Variants in CPNE8 observed in about 807,000 individuals in gnomAD.
CPNE8 encodes the protein copine-8.
Under a neutral mutation model 81.5 loss-of-function variants are expected in CPNE8, and 45 were observed. The observed-to-expected ratio is 0.55, with a 90% CI of 0.44 to 0.71. The LOEUF (loss-of-function observed/expected upper bound fraction) is 0.71, where lower values mean the gene tolerates loss of function less well. Among genes scored for constraint, CPNE8 ranks in the 30% least tolerant of loss-of-function variants. CPNE8 has a pLI of 0.00. For synonymous variants in CPNE8, 252 were observed against 226.3 expected (o/e 1.11, Z -1.02); for missense variants, 594 against 672.1 (o/e 0.88, Z 1.28).
At chr12:38,874,976 T>C (rs1944046804) in intron 1 of CPNE8, among the ~76,000 whole-genome samples, 1 of 152,192 alleles carries the variant, frequency 6.6e-6, no homozygotes, top group African/African-American at 2.4e-5. Flanking sequence ...CAGCATCTAC[T>C]GACATTTGTG....
chr12:38,725,014 AT>A, intron 11 of CPNE8, 115 bp from the exon 12 acceptor site: 1 of 914,422 alleles, frequency 1.1e-6, no homozygotes. Flanking sequence ...GCATGTATTC[AT>A]TTACAAATGC....
At chr12:38,746,520 G>A (rs753111562) in intron 10 of CPNE8, among the ~76,000 whole-genome samples, 1 of 152,128 alleles carries the variant, frequency 6.6e-6, no homozygotes, top group Non-Finnish European at 1.5e-5. Flanking sequence ...AGAGTTGAAC[G>A]ACTAAATATC....
chr12:38,657,068 C>T (rs1232367750), intron 19 of CPNE8, among the ~76,000 whole-genome samples: 7 of 152,136 alleles, frequency 4.6e-5, no homozygotes, highest in Non-Finnish European at 5.9e-5. Flanking sequence ...TGAAGCAGTG[C>T]GGGGTGTCAC....
rs137923390 is a variant in CPNE8 at position 38,655,190 on chromosome 12, C to A, written c.1507-1120G>T. On this transcript the variant is annotated intron_variant, in intron 19 of 19. Coordinates refer to ENST00000331366, the MANE Select transcript of CPNE8 (RefSeq NM_153634.3). ...AAAAACCGCAATTACTTTTGCACCA[C>A]CCTTAATAAAAATGATTACTATATC... 4.7e-3 allele frequency among the ~76,000 whole-genome samples: 718 copies of A among 152,194 alleles called. 5 individuals are homozygous for A. Among genetic ancestry groups the A allele is most frequent in the African/African-American group, 0.016 (667 of 41,516 alleles).
chr12:38,667,866 C>T (rs1042994492), intron 19 of CPNE8, among the ~76,000 whole-genome samples: 2 of 151,572 alleles, frequency 1.3e-5, no homozygotes, highest in East Asian at 2.0e-4. Context: ...GGTATGATCT[C>T]GGCTCACCGC....
intron 19 of CPNE8, among the ~76,000 whole-genome samples, chr12:38,668,854 T>C (rs1939113113): frequency 1.3e-5 from 2 of 151,890 alleles, no homozygotes; most frequent in East Asian, 3.9e-4. Flanking sequence ...TCGAGACCAT[T>C]CTGGCTAACA....
chr12:38,709,832 C>T (rs1255695658), intron 13 of CPNE8, among the ~76,000 whole-genome samples: 1 of 152,122 alleles, frequency 6.6e-6, no homozygotes, highest in East Asian at 1.9e-4. Context: ...ATAATCTAAC[C>T]TTGTTAGGTG....
intron 11 of CPNE8, among the ~76,000 whole-genome samples, chr12:38,725,229 T>C (rs1940666356): frequency 6.6e-6 from 1 of 152,286 alleles, no homozygotes; most frequent in Non-Finnish European, 1.5e-5. Flanking sequence ...AAATGATGGG[T>C]TGTTAAAGAA....
At chr12:38,725,991 G>T (rs181118674) in intron 11 of CPNE8, among the ~76,000 whole-genome samples, 1 of 152,236 alleles carries the variant, frequency 6.6e-6, no homozygotes, top group East Asian at 1.9e-4. Flanking sequence ...TTCTACCTCA[G>T]ATCATTAGGC....
At chr12:38,902,391 A>AAAG (rs1944498881) in intron 1 of CPNE8, among the ~76,000 whole-genome samples, 1 of 61,638 alleles carries the variant, frequency 1.6e-5, no homozygotes. Flanking sequence ...AAAAGAAAGA[A>AAAG]AGAGAAAGAA....
At chr12:38,794,819 C>T (rs898363492) in intron 6 of CPNE8, among the ~76,000 whole-genome samples, 1 of 152,012 alleles carries the variant, frequency 6.6e-6, no homozygotes, top group African/African-American at 2.4e-5. Context: ...AGTATTGTTG[C>T]TGGGAGTGTC....
At chr12:38,792,220 G>A (rs1942342475) in intron 6 of CPNE8, among the ~76,000 whole-genome samples, 1 of 149,690 alleles carries the variant, frequency 6.7e-6, no homozygotes, top group Admixed American at 6.6e-5. Flanking sequence ...GGAAAAGGTA[G>A]GAGTAATAAA....
intron 7 of CPNE8, among the ~76,000 whole-genome samples, chr12:38,769,625 T>G (rs1258356124): frequency 6.6e-6 from 1 of 152,316 alleles, no homozygotes; most frequent in East Asian, 1.9e-4. Flanking sequence ...ACATTACACT[T>G]TAACACATTT....
At position 38,708,539 on chromosome 12, in the gene CPNE8, A is replaced by G. The variant is rs1486537652; in HGVS notation, c.915-5618T>C. On this transcript the variant is annotated intron_variant, in intron 13 of 19. Transcript: ENST00000331366. ...AAGGATTTCATAAAATCCAGTTAGC[A>G]GCATTATATTTTAGAATATAAAAAG... Among the ~76,000 whole-genome samples the G allele has an allele frequency of 2.0e-5, 3 of 152,246 alleles. No individual in the cohort carries two copies. In the East Asian group the frequency reaches 5.8e-4, roughly 29 times the overall value.
At chr12:38,768,642 C>G (rs1448489877) in intron 7 of CPNE8, among the ~76,000 whole-genome samples, 1 of 152,052 alleles carries the variant, frequency 6.6e-6, no homozygotes, top group East Asian at 1.9e-4. Flanking sequence ...GCCTCAGCAT[C>G]CTGAGTAGCT....
rs773870820 is a variant in CPNE8 at position 38,776,304 on chromosome 12, A to G, written c.408-3T>C. 15 of 1,397,384 alleles carry G rather than the reference A, an allele frequency of 1.1e-5. No homozygotes were observed. In the East Asian group the frequency reaches 1.6e-4, roughly 15 times the overall value. 86.6% of individuals were successfully genotyped at this position (1,397,384 alleles called of 1,614,324 possible). ...CACATTTCTTCCCTGGAATTCCTCTAAAACAACAAAAATATATTTATATAC... is the reference window on the plus strand; with the variant it reads ...CACATTTCTTCCCTGGAATTCCTCTGAAACAACAAAAATATATTTATATAC... On this transcript the variant is annotated splice_polypyrimidine_tract_variant and splice_region_variant and intron_variant, in intron 6 of 19. Coordinates refer to ENST00000331366, the MANE Select transcript of CPNE8 (RefSeq NM_153634.3).
chr12:38,707,690 T>A (rs1459310339), intron 13 of CPNE8, among the ~76,000 whole-genome samples: 1 of 152,210 alleles, frequency 6.6e-6, no homozygotes, highest in Non-Finnish European at 1.5e-5. Context: ...ATTTGATTAA[T>A]TCTTTGTCTC....
chr12:38,736,202 C>A (rs1037037011), intron 10 of CPNE8, among the ~76,000 whole-genome samples: 2 of 121,798 alleles, frequency 1.6e-5, no homozygotes, highest in Non-Finnish European at 3.6e-5. Context: ...AGTTCTATTG[C>A]CCTGCTGGGT....
chr12:38,877,037 G>A (rs1030725640), intron 1 of CPNE8, among the ~76,000 whole-genome samples: 4 of 152,192 alleles, frequency 2.6e-5, no homozygotes, highest in African/African-American at 9.7e-5. Context: ...GTGAGTGAAT[G>A]AGTCAATGTA....
Sources: gnomAD v4.1 joint callset for allele counts (sites outside exome capture counted in the v4.1 genomes callset) on GRCh38, gnomAD v4.1.1 for gene constraint, MANE v1.5 for transcripts, NCBI Gene and HGNC (gene_info 2026-07-23, HGNC 2026-07-21) for gene names.